Variants in PCDHA2 observed in about 807,000 individuals in gnomAD.
PCDHA2 encodes the protein protocadherin alpha-2.
Under a neutral mutation model 66.0 loss-of-function variants are expected in PCDHA2, and 58 were observed. The ratio of observed to expected loss-of-function variants is 0.88; its 90% CI spans 0.71 to 1.09. The LOEUF (loss-of-function observed/expected upper bound fraction) is 1.09, where lower values mean the gene tolerates loss of function less well. Among genes scored for constraint, PCDHA2 ranks in the 50% least tolerant of loss-of-function variants. The probability of loss-of-function intolerance (pLI) is 0.00; values close to 1 mark genes in which losing one functional copy is unlikely to be tolerated. For synonymous variants in PCDHA2, 634 were observed against 554.0 expected (o/e 1.14, Z -2.03); for missense variants, 1,267 against 1,242.3 (o/e 1.02, Z -0.30).
At chr5:140,846,919 T>C (rs1554141550) in intron 1 of PCDHA2, among the ~76,000 whole-genome samples, 1 of 149,698 alleles carries the variant, frequency 6.7e-6, no homozygotes, top group African/African-American at 2.4e-5. Context: ...CATTTCCTAT[T>C]TGAATTTTTG....
intron 1 of PCDHA2, among the ~76,000 whole-genome samples, chr5:140,914,693 G>C (rs1554196535): frequency 7.9e-5 from 12 of 151,662 alleles, no homozygotes; most frequent in Non-Finnish European, 1.8e-4. Flanking sequence ...TTCTCTGGTG[G>C]TATGATTTAA....
chr5:140,975,953 T>C (rs1554237158), intron 1 of PCDHA2, among the ~76,000 whole-genome samples: 1 of 152,084 alleles, frequency 6.6e-6, no homozygotes, highest in East Asian at 1.9e-4. Flanking sequence ...CATATTAGAG[T>C]TCTTCACCAA....
intron 1 of PCDHA2, chr5:140,853,842 C>G: frequency 1.0e-6 from 1 of 986,448 alleles, no homozygotes; most frequent in Non-Finnish European, 1.2e-6. Flanking sequence ...AATTTTAGAT[C>G]CATAGCCCTA....
At chr5:140,940,940 G>T (rs187772223) in intron 1 of PCDHA2, among the ~76,000 whole-genome samples, 1 of 152,254 alleles carries the variant, frequency 6.6e-6, no homozygotes, top group Non-Finnish European at 1.5e-5. Context: ...CTTAGACTAC[G>T]TATTCTCAGA....
intron 1 of PCDHA2, chr5:140,851,866 C>T (rs1486270411): frequency 2.0e-6 from 2 of 976,572 alleles, no homozygotes; most frequent in South Asian, 9.5e-5. Flanking sequence ...TCATACATAA[C>T]ACAAGGCAGA....
chr5:140,884,244 T>C, intron 1 of PCDHA2: 1 of 1,613,386 alleles, frequency 6.2e-7, no homozygotes, highest in Non-Finnish European at 8.5e-7. Flanking sequence ...GAGCCCGCGC[T>C]GACGGCCACG....
intron 1 of PCDHA2, among the ~76,000 whole-genome samples, chr5:140,893,186 T>C (rs2063863300): frequency 6.6e-6 from 1 of 152,230 alleles, no homozygotes; most frequent in Admixed American, 6.5e-5. Context: ...GTAGCTATTG[T>C]GAATAGTGCT....
chr5:140,988,025 G>A (rs1305100946), intron 3 of PCDHA2, among the ~76,000 whole-genome samples: 1 of 152,136 alleles, frequency 6.6e-6, no homozygotes, highest in African/African-American at 2.4e-5. Context: ...TGATTCTTAA[G>A]TTTTTTAGAA....
intron 1 of PCDHA2, among the ~76,000 whole-genome samples, chr5:140,881,035 C>T (rs563210273): frequency 6.6e-6 from 1 of 152,186 alleles, no homozygotes; most frequent in African/African-American, 2.4e-5. Context: ...CAGTCATTTC[C>T]TATAGAGTTG....
At chr5:140,870,252 GGTGACCT>G in intron 1 of PCDHA2, 5 of 1,614,198 alleles carry the variant, frequency 3.1e-6, no homozygotes, top group Non-Finnish European at 4.2e-6. Context: ...TCAACGGACA[GGTGACCT>G]GCTCGCTGAC....
At chr5:140,857,085 C>T in intron 1 of PCDHA2, 2 of 1,596,752 alleles carry the variant, frequency 1.3e-6, no homozygotes, top group Non-Finnish European at 8.6e-7. Context: ...AATGATAATT[C>T]ACCTGAGGTG....
chr5:140,845,773 A>G lies in PCDHA2; in HGVS notation c.2388+48421A>G, dbSNP rs1780027224. Among the ~76,000 whole-genome samples, 2 of 149,724 alleles carry G rather than the reference A, an allele frequency of 1.3e-5. 1 individual carries two copies. Among genetic ancestry groups the G allele is most frequent in the Non-Finnish European group, 3.0e-5 (2 of 66,920 alleles). ...TTGTATCAAGTAAGTTAATAGTTAT[A>G]AATTATTAATAATAAACTCTGGCAA... On this transcript the variant is annotated intron_variant, in intron 1 of 3. Transcript: ENST00000526136.
chr5:140,796,061 G>C lies in PCDHA2; in HGVS notation c.1097G>C (p.Gly366Ala), dbSNP rs1554119671. 1 of 1,614,180 alleles carries C rather than the reference G, an allele frequency of 6.2e-7. No individual in the cohort carries two copies. The highest frequency in any genetic ancestry group is 1.7e-5 in the Admixed American group (1 of 60,028). ...SLPISENASL[G>A]TVIALITVSD... ...CCCATCTCAGAGAACGCTTCCCTGG[G>C]CACTGTCATTGCTCTCATCACGGTG... Residue 366 changes from glycine (G) to alanine (A), a missense_variant, in exon 1 of 4, where the codon GGC (glycine) becomes GCC (alanine). Gly to Ala is a moderately conservative substitution (Grantham distance 60, BLOSUM62 0). Transcript: ENST00000526136.
rs548394870 is a variant in PCDHA2 at position 140,927,042 on chromosome 5, G to A, written c.2389-51907G>A. ...ACTTGAGGCTGCCAGCGGCCGCTATGTCCTCGCGGAACTTTCGCTTCCTTT... is the reference window on the plus strand; with the variant it reads ...ACTTGAGGCTGCCAGCGGCCGCTATATCCTCGCGGAACTTTCGCTTCCTTT... On this transcript the variant is annotated intron_variant, in intron 1 of 3. Transcript: ENST00000526136. The A allele has an allele frequency of 1.4e-4, 226 of 1,612,386 alleles. 8 individuals are homozygous for A. The South Asian group carries it at 2.4e-3, about 17-fold the overall frequency.
At chr5:140,868,877 C>A in intron 1 of PCDHA2, 1 of 684,342 alleles carries the variant, frequency 1.5e-6, no homozygotes, top group Non-Finnish European at 2.3e-6. Flanking sequence ...GCACAGTACT[C>A]ACAGTTTTAG....
chr5:140,980,878 G>A (rs528577692), intron 2 of PCDHA2, among the ~76,000 whole-genome samples: 6 of 152,118 alleles, frequency 3.9e-5, no homozygotes, highest in East Asian at 1.9e-4. Context: ...GGGTGTTCTC[G>A]GTCTTTCCAG....
At position 140,809,150 on chromosome 5, in the gene PCDHA2, G is replaced by A. The variant is rs1554125029; in HGVS notation, c.2388+11798G>A. 4 of 1,613,976 alleles carry A rather than the reference G, an allele frequency of 2.5e-6. No individual in the cohort carries two copies. In the South Asian group the frequency reaches 4.4e-5, roughly 18 times the overall value. On this transcript the variant is annotated intron_variant, in intron 1 of 3. Transcript: ENST00000526136. ...CCTACTGGTACTGGTGAAGGACCAC[G>A]GCGAGCCCGCGCTGACGGCCACGGC... is the stretch of plus-strand genomic sequence containing the variant.
chr5:140,952,531 C>T (rs1463200514), intron 1 of PCDHA2, among the ~76,000 whole-genome samples: 1 of 152,138 alleles, frequency 6.6e-6, no homozygotes, highest in Non-Finnish European at 1.5e-5. Context: ...CCTCCTCAGA[C>T]TGGACTTCTT....
At chr5:140,970,332 G>A (rs1236073527) in intron 1 of PCDHA2, among the ~76,000 whole-genome samples, 12 of 152,138 alleles carry the variant, frequency 7.9e-5, no homozygotes, top group Admixed American at 2.6e-4. Flanking sequence ...TCCAAAGCAT[G>A]CATTCATTTT....
Sources: gnomAD v4.1 joint callset for allele counts (sites outside exome capture counted in the v4.1 genomes callset) on GRCh38, gnomAD v4.1.1 for gene constraint, MANE v1.5 for transcripts, NCBI Gene and HGNC (gene_info 2026-07-23, HGNC 2026-07-21) for gene names.